Variants in DEPDC1B observed in about 807,000 individuals in gnomAD.
DEPDC1B encodes DEP domain containing 1B, also known as DEP domain-containing protein 1B.
A neutral mutation model predicts 66.5 loss-of-function variants in DEPDC1B; 51 were observed. The ratio of observed to expected loss-of-function variants is 0.77; its 90% CI spans 0.61 to 0.97. The LOEUF (loss-of-function observed/expected upper bound fraction) is 0.97. Ranked by LOEUF, DEPDC1B falls within the 50% of genes least tolerant of loss-of-function variation. The pLI is 0.00. For missense variants in DEPDC1B, 552 were observed against 637.1 expected (o/e 0.87, Z 1.44); for synonymous variants, 226 against 223.6 (o/e 1.01, Z -0.10).
intron 2 of DEPDC1B, among the ~76,000 whole-genome samples, chr5:60,649,024 C>A (rs556485185): frequency 6.6e-6 from 1 of 152,284 alleles, no homozygotes; most frequent in East Asian, 1.9e-4. Context: ...TCACCCACTT[C>A]TCAGTTCATT....
At chr5:60,673,544 A>G (rs970091560) in intron 2 of DEPDC1B, among the ~76,000 whole-genome samples, 6 of 152,210 alleles carry the variant, frequency 3.9e-5, no homozygotes, top group Admixed American at 3.9e-4. Context: ...CACTAGCTGC[A>G]TAAAATGCTT....
chr5:60,667,837 AAAAAATGGATATTTTACATATATG>A lies in DEPDC1B; in HGVS notation c.314+19101_314+19124del, dbSNP rs1561384235. ...AAAAATGGATATTTTACATATATGT[AAAAAATGGATATTTTACATATATG>A]TAAAAAATGGATATTTTACATATAT... On this transcript the variant is annotated intron_variant, in intron 2 of 10. Transcript: ENST00000265036. Among the ~76,000 whole-genome samples the A allele has an allele frequency of 8.6e-4, 102 of 117,936 alleles. 38 individuals are homozygous for A. The highest frequency in any genetic ancestry group is 1.9e-3 in the African/African-American group (54 of 29,164). 77.4% of individuals were successfully genotyped at this position (117,936 alleles called of 152,430 possible). A position where few individuals can be genotyped will look rare whatever the true frequency, so the allele number is the denominator to read the frequency against.
At chr5:60,642,747 T>C (rs1016517943) in intron 6 of DEPDC1B, 65 bp downstream of exon 6, 40 of 1,317,562 alleles carry the variant, frequency 3.0e-5, no homozygotes, top group Admixed American at 2.0e-4. Context: ...TGAGCAGAAA[T>C]TTTTCCTAAT....
In DEPDC1B at chr5:60,647,577, G is replaced by GAC. The variant is rs758384141; in HGVS notation, c.315-46_315-45dup. On this transcript the variant is annotated intron_variant, in intron 2 of 10. Coordinates refer to ENST00000265036, the MANE Select transcript of DEPDC1B (RefSeq NM_018369.3). The stretch of plus-strand genomic sequence containing the variant: ...TTCTCTATTACTGCAGTCAGTGGGA[G>GAC]ACACAGATATTTTAACAATAGTCTC... 10 of 1,584,624 alleles carry GAC rather than the reference G, an allele frequency of 6.3e-6. No individual in the cohort carries two copies. The African/African-American group carries it at 8.2e-5, about 13-fold the overall frequency.
At chr5:60,677,440 A>C (rs1754194326) in intron 2 of DEPDC1B, among the ~76,000 whole-genome samples, 1 of 152,094 alleles carries the variant, frequency 6.6e-6, no homozygotes, top group South Asian at 2.1e-4. Context: ...CACGGATTGG[A>C]AAACATGTGA....
intron 2 of DEPDC1B, among the ~76,000 whole-genome samples, chr5:60,673,203 TC>T (rs1364167320): frequency 2.0e-5 from 3 of 152,144 alleles, no homozygotes; most frequent in Admixed American, 2.0e-4. Flanking sequence ...AGCAAACTAT[TC>T]TCTGACTGAT....
chr5:60,668,079 G>A (rs1358768329), intron 2 of DEPDC1B, among the ~76,000 whole-genome samples: 1 of 72,962 alleles, frequency 1.4e-5, no homozygotes, highest in South Asian at 3.7e-4. Flanking sequence ...ATATAAAATG[G>A]ATATTTTATA....
At position 60,631,868 on chromosome 5, in the gene DEPDC1B, G is replaced by C. The variant is rs185079192; in HGVS notation, c.898+6882C>G. Among the ~76,000 whole-genome samples, 80 of 152,316 alleles carry C rather than the reference G, an allele frequency of 5.3e-4. 2 individuals are homozygous for C. The highest frequency in any genetic ancestry group is 5.6e-4 in the Non-Finnish European group (38 of 68,024). ...AGAACAGAAAACTGGTTGGTGGCTA[G>C]TGGCTGTCCTAAGTTAATAAGTGGG... On this transcript the variant is annotated intron_variant, in intron 7 of 10. Transcript: ENST00000265036.
intron 8 of DEPDC1B, among the ~76,000 whole-genome samples, chr5:60,605,001 C>A (rs1216521326): frequency 6.6e-6 from 1 of 152,142 alleles, no homozygotes; most frequent in Non-Finnish European, 1.5e-5. Flanking sequence ...ATATGGAAAG[C>A]ACATACATTC....
intron 4 of DEPDC1B, 72 bp downstream of exon 4, chr5:60,645,420 G>A (rs1753288369): frequency 1.5e-6 from 2 of 1,371,898 alleles, no homozygotes; most frequent in Admixed American, 4.9e-5. Flanking sequence ...AATTAAATAT[G>A]CAGAGAGTGA....
intron 5 of DEPDC1B, among the ~76,000 whole-genome samples, chr5:60,644,095 T>A (rs1476891323): frequency 3.3e-5 from 5 of 152,202 alleles, no homozygotes; most frequent in Non-Finnish European, 5.9e-5. Flanking sequence ...AACAAATCAA[T>A]GAGCCCATCC....
chr5:60,628,893 G>A (rs1445130094), intron 7 of DEPDC1B, among the ~76,000 whole-genome samples: 1 of 152,052 alleles, frequency 6.6e-6, no homozygotes, highest in Non-Finnish European at 1.5e-5. Flanking sequence ...TAATCCAGTT[G>A]GAATTTATCC....
intron 7 of DEPDC1B, among the ~76,000 whole-genome samples, chr5:60,615,614 T>C (rs1305055612): frequency 6.6e-6 from 1 of 152,166 alleles, no homozygotes; most frequent in East Asian, 1.9e-4. Flanking sequence ...CGCCCACCAT[T>C]GCCCAGGCTT....
chr5:60,689,168 C>T, intron 1 of DEPDC1B: 1 of 414,498 alleles, frequency 2.4e-6, no homozygotes, highest in South Asian at 1.8e-5. Flanking sequence ...AATCCAGTTT[C>T]CTTCCACTAC....
At chr5:60,668,267 A>ATATAAAATGGATATTT (rs1202745218) in intron 2 of DEPDC1B, among the ~76,000 whole-genome samples, 15 of 132,730 alleles carry the variant, frequency 1.1e-4, no homozygotes, top group Non-Finnish European at 1.8e-4. Context: ...TTATATATAT[A>ATATAAAATGGATATTT]TATATATATA....
chr5:60,680,862 T>A (rs1428609299), intron 2 of DEPDC1B, among the ~76,000 whole-genome samples: 1 of 151,890 alleles, frequency 6.6e-6, no homozygotes, highest in Non-Finnish European at 1.5e-5. Flanking sequence ...ATAAACTAAG[T>A]CAACCTCATG....
Position 60,638,877 on chromosome 5 carries a change from A to G in DEPDC1B, c.771T>C (p.Ser257=), listed in dbSNP as rs772916014. ...CCAAGTACATAGGCTGCTTCAAATC[A>G]GAACAGTTGGGCCCTATTTTCAAAA... ...MKCLANWPNC[S]DLKQPMYLGF... The change falls in exon 7 of 11, where the codon TCT becomes TCC. Residue 257 remains serine, a synonymous_variant. Transcript: ENST00000265036. The G allele has an allele frequency of 2.5e-6, 4 of 1,611,050 alleles. No homozygotes were observed. The South Asian group carries it at 4.4e-5, about 18-fold the overall frequency.
At chr5:60,667,951 T>A (rs1286539338) in intron 2 of DEPDC1B, among the ~76,000 whole-genome samples, 12 of 120,236 alleles carry the variant, frequency 1.0e-4, no homozygotes, top group African/African-American at 2.5e-4. Context: ...AATGGATATT[T>A]TATATATATA....
intron 2 of DEPDC1B, among the ~76,000 whole-genome samples, chr5:60,666,279 A>G (rs1041188626): frequency 3.3e-5 from 5 of 152,142 alleles, no homozygotes; most frequent in Non-Finnish European, 5.9e-5. Context: ...TGGGTTCCAC[A>G]GTTGTCTTCC....
Sources: gnomAD v4.1 joint callset for allele counts (sites outside exome capture counted in the v4.1 genomes callset) on GRCh38, gnomAD v4.1.1 for gene constraint, MANE v1.5 for transcripts, NCBI Gene and HGNC (gene_info 2026-07-23, HGNC 2026-07-21) for gene names.